Variants in ST3GAL4 observed in about 807,000 individuals in gnomAD.
The protein encoded by ST3GAL4 is CMP-N-acetylneuraminate-beta-galactosamide-alpha-2,3-sialyltransferase 4.
Under a neutral mutation model 42.6 loss-of-function variants are expected in ST3GAL4, and 24 were observed. The observed-to-expected ratio is 0.56, with a 90% CI of 0.41 to 0.79. The LOEUF (loss-of-function observed/expected upper bound fraction) is 0.79. Among genes scored for constraint, ST3GAL4 ranks in the 30% least tolerant of loss-of-function variants. The pLI, the probability that ST3GAL4 is intolerant of heterozygous loss-of-function variation, is 0.00. For synonymous variants in ST3GAL4, 135 were observed against 163.2 expected, an observed-to-expected ratio of 0.83 and a Z score of 1.32; for missense variants, 311 against 430.8, an observed-to-expected ratio of 0.72 and a Z score of 2.46.
chr11:126,378,573 AT>A lies in ST3GAL4; in HGVS notation c.-61+22738del, dbSNP rs536515619. Among the ~76,000 whole-genome samples, 43 of 152,016 alleles carry A rather than the reference AT, an allele frequency of 2.8e-4. 1 individual carries two copies. In the South Asian group the frequency reaches 8.7e-3, roughly 31 times the overall value. ...ACAGGCACCACCACCACGCCCAGCT[AT>A]TTTTTTGTATTTTTAGTAGAGACAG... On this transcript the variant is annotated intron_variant, in intron 1 of 10. Transcript: ENST00000444328. The surrounding 1 kb of genome is among the most constrained non-coding windows in gnomAD (Gnocchi z 5.3).
At position 126,396,701 on chromosome 11, in the gene ST3GAL4, G is replaced by A. The variant is rs1359456120; in HGVS notation, c.-60-9395G>A. Among the ~76,000 whole-genome samples, 1 of 150,932 alleles carries A rather than the reference G, an allele frequency of 6.6e-6. No individual in the cohort carries two copies. Among genetic ancestry groups the A allele is most frequent in the Non-Finnish European group, 1.5e-5 (1 of 67,834 alleles). ...TGGAGTCTAGGGAGCCAGTCTGCAC[G>A]GGATGGTTTTAGAAGCCGTAGGATG... On this transcript the variant is annotated intron_variant, in intron 1 of 10. Transcript: ENST00000444328. The surrounding 1 kb of genome is among the most constrained non-coding windows in gnomAD (Gnocchi z 5.8).
chr11:126,401,478 T>C (rs149302556), intron 1 of ST3GAL4, among the ~76,000 whole-genome samples: 1 of 151,826 alleles, frequency 6.6e-6, no homozygotes, highest in East Asian at 1.9e-4. Flanking sequence ...CAAGAATCAC[T>C]TGAACCTACA....
At chr11:126,367,984 C>T (rs1387803381) in intron 1 of ST3GAL4, among the ~76,000 whole-genome samples, 1 of 151,952 alleles carries the variant, frequency 6.6e-6, no homozygotes, top group East Asian at 1.9e-4. Flanking sequence ...CCCATCTCTA[C>T]TAAAAGTACA....
chr11:126,394,612 A>T (rs1033285069), intron 1 of ST3GAL4, among the ~76,000 whole-genome samples: 6 of 151,866 alleles, frequency 4.0e-5, no homozygotes, highest in Admixed American at 3.9e-4. Flanking sequence ...TTTTATAGAG[A>T]TGGGGTTTCA....
Position 126,406,070 on chromosome 11 carries a change from G to C in ST3GAL4, c.-60-26G>C. 1.3e-6 allele frequency: 2 copies of C among 1,551,360 alleles called. No homozygotes were observed. Among genetic ancestry groups the C allele is most frequent in the Non-Finnish European group, 1.7e-6 (2 of 1,146,914 alleles). On this transcript the variant is annotated intron_variant, in intron 1 of 10. Coordinates refer to ENST00000444328, the MANE Select transcript of ST3GAL4 (RefSeq NM_001254757.2). This position sits in a 1 kb window ranked among gnomAD's most constrained non-coding sequence, Gnocchi z 5.4. ...GGCAGGAGAGTTTGTGAAGCTGACCGGACACCTGTGGCTCTTATTTCCTAG... is the reference window on the plus strand; with the variant it reads ...GGCAGGAGAGTTTGTGAAGCTGACCCGACACCTGTGGCTCTTATTTCCTAG...
rs748315428 is a variant in ST3GAL4, at chr11:126,414,067, C to T, written c.*20C>T. 6.2e-7 allele frequency: 1 copy of T among 1,613,460 alleles called. No individual in the cohort carries two copies. Among genetic ancestry groups the T allele is most frequent in the African/African-American group, 1.3e-5 (1 of 75,052 alleles). On this transcript the variant is annotated 3_prime_UTR_variant, in exon 11 of 11. Transcript: ENST00000444328. ...TTCTGACCTGGGCAAGAGCTGTAGC[C>T]TGTCGGTTGCCTACTCTGCTGTCTG...
chr11:126,408,491 A>C lies in ST3GAL4; in HGVS notation c.622A>C (p.Lys208Gln). Residue 208 changes from lysine (K) to glutamine (Q), a missense_variant, in exon 8 of 11, where the codon AAG (lysine) becomes CAG (glutamine). By Grantham distance (53) the Lys-to-Gln change is moderately conservative. Transcript: ENST00000444328. Reference sequence around the variant, plus strand: ...GATTGAGACCATCCTGAGTGATAAGAAGCGGGTAAGTTGGGGGACAGACTG... The same window carrying C: ...GATTGAGACCATCCTGAGTGATAAGCAGCGGGTAAGTTGGGGGACAGACTG... ...HWIETILSDK[K>Q]RVRKGFWKQP... 1 of 1,614,124 alleles carries C rather than the reference A, an allele frequency of 6.2e-7. No individual in the cohort carries two copies. The highest frequency in any genetic ancestry group is 8.5e-7 in the Non-Finnish European group (1 of 1,180,006).
chr11:126,386,345 CT>C lies in ST3GAL4; in HGVS notation c.-60-19750del, dbSNP rs1356498690. On this transcript the variant is annotated intron_variant, in intron 1 of 10. Transcript: ENST00000444328. This position sits in a 1 kb window ranked among gnomAD's most constrained non-coding sequence, Gnocchi z 4.7. ...ACCCTGTTTCTGTCCTGCCACAGTG[CT>C]CGAGTCAGTGCCCTCCCTGCTTGCA... Among the ~76,000 whole-genome samples the C allele has an allele frequency of 6.6e-6, 1 of 152,146 alleles. No individual in the cohort carries two copies. Among genetic ancestry groups the C allele is most frequent in the African/African-American group, 2.4e-5 (1 of 41,438 alleles).
Position 126,396,302 on chromosome 11 carries a change from G to GC in ST3GAL4, c.-60-9791dup, listed in dbSNP as rs1275270180. On this transcript the variant is annotated intron_variant, in intron 1 of 10. Transcript: ENST00000444328. This position sits in a 1 kb window ranked among gnomAD's most constrained non-coding sequence, Gnocchi z 5.8. ...ATGTGTGGAAGCAGGTACAGCCCAG[G>GC]CCCGCGCTGAGGTTCGGCAGGGAAG... Among the ~76,000 whole-genome samples, 1 of 152,066 alleles carries GC rather than the reference G, an allele frequency of 6.6e-6. No individual in the cohort carries two copies. Among genetic ancestry groups the GC allele is most frequent in the Non-Finnish European group, 1.5e-5 (1 of 68,020 alleles).
intron 1 of ST3GAL4, among the ~76,000 whole-genome samples, chr11:126,369,788 T>G (rs1181098155): frequency 6.6e-6 from 1 of 152,200 alleles, no homozygotes. Flanking sequence ...TGAGAGAAAG[T>G]CACTCTCCCA....
In ST3GAL4 at chr11:126,408,110, G is replaced by A. The variant is rs1388612454; in HGVS notation, c.353G>A (p.Arg118His). 18 of 1,613,868 alleles carry A rather than the reference G, an allele frequency of 1.1e-5. No individual in the cohort carries two copies. The highest frequency in any genetic ancestry group is 1.4e-5 in the Non-Finnish European group (17 of 1,179,942). The change falls in exon 7 of 11, where the codon CGC (arginine) becomes CAC (histidine). Residue 118 changes from arginine to histidine, a missense_variant. Coordinates refer to ENST00000444328, the MANE Select transcript of ST3GAL4 (RefSeq NM_001254757.2). ...IPKNIQSLRCRRCVVVGNGHR... is the reference protein window; with the variant it reads ...IPKNIQSLRCHRCVVVGNGHR... ...TCTTTCTATGGCAGCCTCAGGTGCC[G>A]CCGCTGTGTGGTCGTGGGGAACGGG...
rs1323824021 is a variant in ST3GAL4, at chr11:126,410,383, G to C, written c.771+972G>C. ...CCCCTCGGGGAGGCCGTGTGGGATGGTGAGAGACAGGCACTAGCAGACACA... is the reference window on the plus strand; with the variant it reads ...CCCCTCGGGGAGGCCGTGTGGGATGCTGAGAGACAGGCACTAGCAGACACA... On this transcript the variant is annotated intron_variant, in intron 9 of 10. Transcript: ENST00000444328. The surrounding 1 kb of genome is among the most constrained non-coding windows in gnomAD (Gnocchi z 5.3). Among the ~76,000 whole-genome samples the C allele has an allele frequency of 1.3e-5, 2 of 152,188 alleles. No individual in the cohort carries two copies. Among genetic ancestry groups the C allele is most frequent in the African/African-American group, 2.4e-5 (1 of 41,436 alleles).
Position 126,393,680 on chromosome 11 carries a change from C to T in ST3GAL4, c.-60-12416C>T, listed in dbSNP as rs536900955. On this transcript the variant is annotated intron_variant, in intron 1 of 10. Coordinates refer to ENST00000444328, the MANE Select transcript of ST3GAL4 (RefSeq NM_001254757.2). This position sits in a 1 kb window ranked among gnomAD's most constrained non-coding sequence, Gnocchi z 5.9. ...AGTAGGCACTTGAGGGTGGACACCA[C>T]CGTCTTCAGGTCATAGGAAGTGTGA... Among the ~76,000 whole-genome samples, 5 of 152,300 alleles carry T rather than the reference C, an allele frequency of 3.3e-5. No homozygotes were observed. Among genetic ancestry groups the T allele is most frequent in the Admixed American group, 2.0e-4 (3 of 15,300 alleles).
rs1953549226 is a variant in ST3GAL4, at chr11:126,392,285, G to C, written c.-60-13811G>C. ...GTATTAGGGTGTCCTCAAGCCTGCAGCTCTCCTGGGACTGCACAGAGTTTA... is the reference window on the plus strand; with the variant it reads ...GTATTAGGGTGTCCTCAAGCCTGCACCTCTCCTGGGACTGCACAGAGTTTA... On this transcript the variant is annotated intron_variant, in intron 1 of 10. Coordinates refer to ENST00000444328, the MANE Select transcript of ST3GAL4 (RefSeq NM_001254757.2). This position sits in a 1 kb window ranked among gnomAD's most constrained non-coding sequence, Gnocchi z 5.8. The C allele has an allele frequency of 1.0e-6, 1 of 984,646 alleles. No homozygotes were observed. Among genetic ancestry groups the C allele is most frequent in the Non-Finnish European group, 1.2e-6 (1 of 828,796 alleles). The allele number at this position is 984,646 out of a possible 1,614,324, so 61.0% of individuals were successfully genotyped here. A position where few individuals can be genotyped will look rare whatever the true frequency, so the allele number is the denominator to read the frequency against.
chr11:126,388,679 T>TTC lies in ST3GAL4; in HGVS notation c.-60-17416_-60-17415insCT, dbSNP rs1555086242. On this transcript the variant is annotated intron_variant, in intron 1 of 10. Coordinates refer to ENST00000444328, the MANE Select transcript of ST3GAL4 (RefSeq NM_001254757.2). ...TTTCTTGTTTTTTTTTTTTTTTTTT[T>TTC]TTCTGATTTACGTGAGCACATCATA... is the stretch of plus-strand genomic sequence containing the variant. Among the ~76,000 whole-genome samples the TTC allele has an allele frequency of 7.1e-4, 87 of 122,712 alleles. 2 individuals carry two copies. The highest frequency in any genetic ancestry group is 1.1e-3 in the Non-Finnish European group (68 of 60,362). The allele number at this position is 122,712 out of a possible 152,430, so 80.5% of individuals were successfully genotyped here. A position where few individuals can be genotyped will look rare whatever the true frequency, so the allele number is the denominator to read the frequency against.
intron 1 of ST3GAL4, among the ~76,000 whole-genome samples, chr11:126,401,786 C>A (rs546923964): frequency 6.6e-6 from 1 of 151,874 alleles, no homozygotes; most frequent in Non-Finnish European, 1.5e-5. Context: ...AGAGCAATTT[C>A]AGAATAAAAA....
At chr11:126,413,378 G>A (rs951303061) in intron 9 of ST3GAL4, 127 bp from the exon 10 acceptor site, 3 of 1,232,152 alleles carry the variant, frequency 2.4e-6, no homozygotes, top group South Asian at 1.6e-5. Flanking sequence ...CTCGTGGCTT[G>A]TCTTGTTGGA....
At chr11:126,381,858 C>T (rs1953018284) in intron 1 of ST3GAL4, among the ~76,000 whole-genome samples, 1 of 151,260 alleles carries the variant, frequency 6.6e-6, no homozygotes, top group African/African-American at 2.4e-5. Flanking sequence ...CTTCCATTGC[C>T]TTCCCCCAGG....
intron 1 of ST3GAL4, among the ~76,000 whole-genome samples, chr11:126,368,806 C>G (rs192750628): frequency 6.6e-6 from 1 of 152,344 alleles, no homozygotes; most frequent in East Asian, 1.9e-4. Flanking sequence ...ACGCTCAGAT[C>G]TTTGCACCCC....
Sources: allele counts gnomAD v4.1 joint callset (sites outside exome capture counted in the v4.1 genomes callset), GRCh38; gene constraint gnomAD v4.1.1; non-coding constraint Gnocchi (gnomAD v3.1); transcripts MANE v1.5; gene names NCBI Gene and HGNC (gene_info 2026-07-23, HGNC 2026-07-21).